The following NBEA variants were observed in gnomAD, a reference collection of about 807,000 sequenced individuals.
NBEA encodes the protein neurobeachin, also known as lysosomal-trafficking regulator 2.
NBEA carries 44 observed loss-of-function variants against 343.4 expected under a neutral mutation model. The observed-to-expected ratio is 0.13, with a 90% confidence interval of 0.10 to 0.16. The LOEUF is 0.16. Ranked by LOEUF, NBEA falls within the 10% of genes least tolerant of loss-of-function variation. The pLI, the probability that NBEA is intolerant of heterozygous loss-of-function variation, is 1.00. For missense variants in NBEA, 2,555 were observed against 3,631.3 expected, an observed-to-expected ratio of 0.70 and a Z score of 7.62; for synonymous variants, 1,175 against 1,238.7, an observed-to-expected ratio of 0.95 and a Z score of 1.08.
At chr13:35,487,300 T>C (rs905932649) in intron 41 of NBEA, among the ~76,000 whole-genome samples, 1 of 151,966 alleles carries the variant, frequency 6.6e-6, no homozygotes, top group African/African-American at 2.4e-5. Context: ...ATATTAGTAC[T>C]TATATAGAAT....
chr13:35,221,171 C>T (rs970733009), intron 33 of NBEA, among the ~76,000 whole-genome samples: 2 of 151,970 alleles, frequency 1.3e-5, no homozygotes, highest in South Asian at 4.2e-4. Flanking sequence ...TAGTGAAACC[C>T]CATCTCTGCT....
chr13:35,186,804 A>G (rs1337747559), intron 30 of NBEA: 1 of 152,190 alleles, frequency 6.6e-6, no homozygotes, highest in Non-Finnish European at 1.5e-5. Flanking sequence ...AAGAAAAGTT[A>G]CAAGTGTAAT....
At chr13:35,472,258 C>T in intron 40 of NBEA, 142 bp from the exon 41 acceptor site, 1 of 787,672 alleles carries the variant, frequency 1.3e-6, no homozygotes, top group East Asian at 2.7e-5. Flanking sequence ...CCTTATCTTA[C>T]GTGAAAAAAG....
At chr13:35,207,960 C>A (rs1333921989) in intron 31 of NBEA, among the ~76,000 whole-genome samples, 1 of 152,184 alleles carries the variant, frequency 6.6e-6, no homozygotes, top group Non-Finnish European at 1.5e-5. Context: ...GTGGCTCACG[C>A]CTGTAATCCC....
At chr13:35,670,820 C>CT in intron 58 of NBEA, 81 bp from the exon 59 acceptor site, 1 of 954,744 alleles carries the variant, frequency 1.0e-6, no homozygotes, top group South Asian at 1.4e-5. Context: ...AAATGCCAAA[C>CT]TTTGAGATAC....
At chr13:35,492,411 A>G (rs1418448032) in intron 41 of NBEA, among the ~76,000 whole-genome samples, 1 of 151,938 alleles carries the variant, frequency 6.6e-6, no homozygotes, top group African/African-American at 2.4e-5. Context: ...GATGCAAGAA[A>G]AAATTTTAAA....
intron 1 of NBEA, among the ~76,000 whole-genome samples, chr13:34,952,935 T>A (rs1358603841): frequency 1.3e-5 from 2 of 152,152 alleles, no homozygotes. Flanking sequence ...TAATAACTAA[T>A]CTATAACTGA....
chr13:34,983,514 T>A (rs560975168), intron 1 of NBEA, among the ~76,000 whole-genome samples: 1 of 152,320 alleles, frequency 6.6e-6, no homozygotes, highest in African/African-American at 2.4e-5. Context: ...TAGTATGATT[T>A]ATAATCTTTT....
intron 56 of NBEA, among the ~76,000 whole-genome samples, chr13:35,667,152 C>T (rs1262783670): frequency 2.0e-5 from 3 of 152,168 alleles, no homozygotes; most frequent in African/African-American, 7.2e-5. Context: ...CAAGTATCTA[C>T]CTGGTGAAGA....
intron 31 of NBEA, among the ~76,000 whole-genome samples, chr13:35,197,505 T>A (rs1480848180): frequency 6.6e-6 from 1 of 152,014 alleles, no homozygotes; most frequent in Non-Finnish European, 1.5e-5. Context: ...GTCATTTCAG[T>A]TTGGATGAAT....
chr13:35,670,616 G>A (rs566759332), intron 58 of NBEA, among the ~76,000 whole-genome samples: 1 of 152,254 alleles, frequency 6.6e-6, no homozygotes, highest in Non-Finnish European at 1.5e-5. Flanking sequence ...ATTGCTGAGA[G>A]AAATGGGGCA....
intron 41 of NBEA, among the ~76,000 whole-genome samples, chr13:35,487,360 C>G (rs1231440101): frequency 6.6e-6 from 1 of 151,848 alleles, no homozygotes; most frequent in African/African-American, 2.4e-5. Flanking sequence ...GTATTTCACT[C>G]TACATAAAAA....
chr13:35,562,025 G>A (rs1029252559), intron 44 of NBEA, among the ~76,000 whole-genome samples: 18 of 151,968 alleles, frequency 1.2e-4, no homozygotes, highest in Admixed American at 7.2e-4. Flanking sequence ...TGACATTTGG[G>A]TGATTTTTCT....
At chr13:35,150,347 CT>C (rs1432708763) in intron 18 of NBEA, among the ~76,000 whole-genome samples, 2 of 152,064 alleles carry the variant, frequency 1.3e-5, no homozygotes, top group Non-Finnish European at 2.9e-5. Flanking sequence ...TCAACATAAG[CT>C]TTAATACTAT....
chr13:35,195,529 G>A (rs1411521907), intron 30 of NBEA, among the ~76,000 whole-genome samples: 2 of 152,044 alleles, frequency 1.3e-5, no homozygotes, highest in African/African-American at 4.8e-5. Context: ...CTCCCGAGTA[G>A]CTGGGATTAG....
At chr13:34,980,204 G>T (rs1186970120) in intron 1 of NBEA, among the ~76,000 whole-genome samples, 1 of 151,244 alleles carries the variant, frequency 6.6e-6, no homozygotes, top group African/African-American at 2.4e-5. Flanking sequence ...TTTTGTTGTT[G>T]TTGTTATTTA....
At chr13:35,541,831 A>G (rs547407260) in intron 41 of NBEA, among the ~76,000 whole-genome samples, 5 of 151,996 alleles carry the variant, frequency 3.3e-5, no homozygotes, top group African/African-American at 1.2e-4. Flanking sequence ...ACATTTGTTA[A>G]GCATTTCCTG....
At chr13:35,227,055 C>T (rs1031873845) in intron 33 of NBEA, among the ~76,000 whole-genome samples, 1 of 151,948 alleles carries the variant, frequency 6.6e-6, no homozygotes, top group African/African-American at 2.4e-5. Flanking sequence ...TCATCATGCA[C>T]TTGAAAATAA....
intron 36 of NBEA, among the ~76,000 whole-genome samples, chr13:35,311,926 A>G (rs1007589422): frequency 8.5e-5 from 13 of 152,188 alleles, no homozygotes; most frequent in Non-Finnish European, 1.8e-4. Flanking sequence ...GTGCTCTCCT[A>G]AGTTTCTGTT....
Sources: allele counts gnomAD v4.1 joint callset (sites outside exome capture counted in the v4.1 genomes callset), GRCh38; gene constraint gnomAD v4.1.1; transcripts MANE v1.5; gene names NCBI Gene and HGNC (gene_info 2026-07-23, HGNC 2026-07-21).